Variants in MAP2K5 observed in about 807,000 individuals in gnomAD.
MAP2K5 encodes the protein dual specificity mitogen-activated protein kinase kinase 5.
Under a neutral mutation model 83.1 loss-of-function variants are expected in MAP2K5, and 49 were observed. The ratio of observed to expected loss-of-function variants is 0.59; its 90% CI spans 0.47 to 0.75. MAP2K5 has a LOEUF of 0.75. MAP2K5 is among the 30% of genes least tolerant of loss of function. MAP2K5 has a pLI of 0.00. For missense variants in MAP2K5, 457 were observed against 557.5 expected (o/e 0.82, Z 1.82); for synonymous variants, 202 against 191.8 (o/e 1.05, Z -0.44).
intron 16 of MAP2K5, 96 bp downstream of exon 16, chr15:67,703,504 C>A: frequency 9.9e-7 from 1 of 1,009,570 alleles, no homozygotes; most frequent in Non-Finnish European, 1.5e-6. Context: ...TAAAATAAAC[C>A]TTCAGCATGT....
intron 13 of MAP2K5, among the ~76,000 whole-genome samples, chr15:67,675,819 A>C (rs1045405519): frequency 1.3e-5 from 2 of 152,166 alleles, no homozygotes; most frequent in African/African-American, 4.8e-5. Context: ...GTAGGATTTG[A>C]TCATAGGCAG....
Position 67,543,012 on chromosome 15 carries a change from C to A in MAP2K5, c.-324C>A. Reference sequence around the variant, plus strand: ...GTCCTTGCCCTGCTGCCTCCTCATACCCACACGGCGGCAGAGACCTTCACC... The same window carrying A: ...GTCCTTGCCCTGCTGCCTCCTCATAACCACACGGCGGCAGAGACCTTCACC... On this transcript the variant is annotated 5_prime_UTR_variant, in exon 1 of 22. Coordinates refer to ENST00000178640, the MANE Select transcript of MAP2K5 (RefSeq NM_145160.3). This position sits in a 1 kb window ranked among gnomAD's most constrained non-coding sequence, Gnocchi z 4.3. 2.7e-6 allele frequency: 1 copy of A among 364,242 alleles called. No homozygotes were observed. The highest frequency in any genetic ancestry group is 5.2e-6 in the Non-Finnish European group (1 of 192,598). 22.6% of individuals were successfully genotyped at this position (364,242 alleles called of 1,614,324 possible).
intron 3 of MAP2K5, among the ~76,000 whole-genome samples, chr15:67,579,167 A>G (rs1247345305): frequency 6.6e-6 from 1 of 152,174 alleles, no homozygotes; most frequent in Non-Finnish European, 1.5e-5. Context: ...CATGCTGTGG[A>G]TCAATAACCG....
At position 67,587,825 on chromosome 15, in the gene MAP2K5, C is replaced by T. The variant is rs968322626; in HGVS notation, c.431+912C>T. Among the ~76,000 whole-genome samples, 18 of 152,336 alleles carry T rather than the reference C, an allele frequency of 1.2e-4. No individual in the cohort carries two copies. The highest frequency in any genetic ancestry group is 4.3e-4 in the African/African-American group (18 of 41,574). ...CAGATAACTTGTCAGTCCTCCTTCA[C>T]TGCTTCCTAGGCCTCCCTCAGTGCC... On this transcript the variant is annotated intron_variant, in intron 6 of 21. Coordinates refer to ENST00000178640, the MANE Select transcript of MAP2K5 (RefSeq NM_145160.3). The surrounding 1 kb of genome is among the most constrained non-coding windows in gnomAD (Gnocchi z 4.8).
chr15:67,684,116 C>T (rs561521671), intron 13 of MAP2K5, among the ~76,000 whole-genome samples: 1 of 152,328 alleles, frequency 6.6e-6, no homozygotes, highest in South Asian at 2.1e-4. Flanking sequence ...CTAGAAATTG[C>T]ATAGGAGTTC....
chr15:67,579,218 A>G (rs1398617493), intron 3 of MAP2K5, among the ~76,000 whole-genome samples: 5 of 152,220 alleles, frequency 3.3e-5, no homozygotes. Flanking sequence ...CAATGTTCCA[A>G]ATAGCCACTG....
At position 67,758,819 on chromosome 15, in the gene MAP2K5, G is replaced by T. The variant is rs2089892117; in HGVS notation, c.1134+10218G>T. Among the ~76,000 whole-genome samples the T allele has an allele frequency of 6.6e-6, 1 of 152,288 alleles. No homozygotes were observed. The highest frequency in any genetic ancestry group is 2.1e-4 in the South Asian group (1 of 4,822). On this transcript the variant is annotated intron_variant, in intron 19 of 21. Coordinates refer to ENST00000178640, the MANE Select transcript of MAP2K5 (RefSeq NM_145160.3). The surrounding 1 kb of genome is among the most constrained non-coding windows in gnomAD (Gnocchi z 4.7). Reference sequence around the variant, plus strand: ...AACTGAGTGACAATCAAAGGGTAAGGTTCCTTACATTATACTATCACTGAT... The same window carrying T: ...AACTGAGTGACAATCAAAGGGTAAGTTTCCTTACATTATACTATCACTGAT...
At chr15:67,628,631 A>G (rs575344102) in intron 8 of MAP2K5, 365 of 1,154,950 alleles carry the variant, frequency 3.2e-4, no homozygotes, top group Non-Finnish European at 4.2e-4. Context: ...ACCTTTGACG[A>G]CCATGACTCT....
intron 21 of MAP2K5, among the ~76,000 whole-genome samples, chr15:67,799,147 C>T (rs772353496): frequency 1.3e-5 from 2 of 152,118 alleles, no homozygotes; most frequent in African/African-American, 4.8e-5. Context: ...CCAGCCTGGG[C>T]GACAGAGCGA....
intron 8 of MAP2K5, among the ~76,000 whole-genome samples, chr15:67,614,923 A>G (rs1488484791): frequency 2.6e-5 from 4 of 152,176 alleles, no homozygotes; most frequent in African/African-American, 9.7e-5. Flanking sequence ...ACAATCAGTT[A>G]TCTTGAAATT....
chr15:67,716,360 A>G (rs772709907), intron 16 of MAP2K5, among the ~76,000 whole-genome samples: 91 of 152,200 alleles, frequency 6.0e-4, no homozygotes, highest in Non-Finnish European at 9.3e-4. Context: ...AAATAAATAA[A>G]CAAACAGGAT....
intron 21 of MAP2K5, among the ~76,000 whole-genome samples, chr15:67,800,920 C>T (rs529072842): frequency 1.2e-3 from 183 of 152,356 alleles, no homozygotes; most frequent in African/African-American, 4.3e-3. Context: ...CAAAAAGTAA[C>T]ACCACAGTAC....
chr15:67,684,057 A>C (rs2087887229), intron 13 of MAP2K5, among the ~76,000 whole-genome samples: 1 of 152,228 alleles, frequency 6.6e-6, no homozygotes, highest in African/African-American at 2.4e-5. Flanking sequence ...AATGGCTAGA[A>C]TTCACAGAAC....
chr15:67,676,986 C>G lies in MAP2K5; in HGVS notation c.847+12341C>G, dbSNP rs897830302. Among the ~76,000 whole-genome samples, 10 of 152,210 alleles carry G rather than the reference C, an allele frequency of 6.6e-5. No homozygotes were observed. Among genetic ancestry groups the G allele is most frequent in the African/African-American group, 1.7e-4 (7 of 41,526 alleles). On this transcript the variant is annotated intron_variant, in intron 13 of 21. Transcript: ENST00000178640. The surrounding 1 kb of genome is among the most constrained non-coding windows in gnomAD (Gnocchi z 4.8). ...TGGCATATAACAGCTATTATTATGT[C>G]AAATAATTATTTCTCAAGAAAAGAA... is the stretch of plus-strand genomic sequence containing the variant.
chr15:67,765,265 A>G (rs962431732), intron 19 of MAP2K5, among the ~76,000 whole-genome samples: 4 of 152,246 alleles, frequency 2.6e-5, no homozygotes. Context: ...AGGCTAAGGC[A>G]GGAGAATCAC....
At chr15:67,725,635 A>G (rs1317317432) in intron 16 of MAP2K5, among the ~76,000 whole-genome samples, 3 of 152,212 alleles carry the variant, frequency 2.0e-5, no homozygotes, top group Non-Finnish European at 4.4e-5. Context: ...AGTGCTTTGT[A>G]GTAGTTATTA....
At chr15:67,672,397 A>G (rs898718477) in intron 13 of MAP2K5, among the ~76,000 whole-genome samples, 1 of 151,888 alleles carries the variant, frequency 6.6e-6, no homozygotes, top group African/African-American at 2.4e-5. Context: ...TTTGATTTGC[A>G]TTTCTCTGAT....
chr15:67,731,524 T>A (rs887144577), intron 17 of MAP2K5, among the ~76,000 whole-genome samples: 10 of 152,122 alleles, frequency 6.6e-5, no homozygotes, highest in Admixed American at 5.2e-4. Context: ...AAAAAAAACA[T>A]GAGGAGCACA....
chr15:67,746,798 G>A lies in MAP2K5; in HGVS notation c.1075-1433G>A, dbSNP rs781425863. Among the ~76,000 whole-genome samples the A allele has an allele frequency of 5.3e-5, 8 of 152,180 alleles. No homozygotes were observed. The highest frequency in any genetic ancestry group is 2.6e-4 in the Admixed American group (4 of 15,288). On this transcript the variant is annotated intron_variant, in intron 17 of 21. Coordinates refer to ENST00000178640, the MANE Select transcript of MAP2K5 (RefSeq NM_145160.3). The surrounding 1 kb of genome is among the most constrained non-coding windows in gnomAD (Gnocchi z 4.1). ...AAGCCAATAAGAGCAATGAGTGGGC[G>A]CCGTGTTCATTTGACAAATATATGG...
Sources: gnomAD v4.1 joint callset for allele counts (sites outside exome capture counted in the v4.1 genomes callset) on GRCh38, gnomAD v4.1.1 for gene constraint, Gnocchi (gnomAD v3.1) non-coding constraint, MANE v1.5 for transcripts, NCBI Gene and HGNC (gene_info 2026-07-23, HGNC 2026-07-21) for gene names.